Variants in CDH18 observed in about 807,000 individuals in gnomAD.
The protein encoded by CDH18 is cadherin 18.
CDH18 carries 31 observed loss-of-function variants against 67.9 expected under a neutral mutation model. The observed-to-expected ratio is 0.46, with a 90% CI of 0.34 to 0.62. CDH18 has a LOEUF of 0.62. Ranked by LOEUF, CDH18 falls within the 20% of genes least tolerant of loss-of-function variation. CDH18 has a pLI of 0.01. For synonymous variants in CDH18, 362 were observed against 347.2 expected (o/e 1.04, Z -0.48); for missense variants, 890 against 975.5 (o/e 0.91, Z 1.17).
chr5:20,505,018 C>T lies in CDH18; in HGVS notation c.-580+70444G>A, dbSNP rs555991893. On this transcript the variant is annotated intron_variant, in intron 1 of 14. Transcript: ENST00000507958. ...TCCTGACCTCGTGATCCAGCCGCTT[C>T]GGCCTCCCAAAGTGCTGGGATTACA... Among the ~76,000 whole-genome samples the T allele has an allele frequency of 7.0e-4, 106 of 152,056 alleles. 1 individual carries two copies. Among genetic ancestry groups the T allele is most frequent in the African/African-American group, 2.5e-3 (104 of 41,494 alleles).
intron 1 of CDH18, among the ~76,000 whole-genome samples, chr5:20,309,146 T>A (rs1736766884): frequency 6.6e-6 from 1 of 152,228 alleles, no homozygotes; most frequent in South Asian, 2.1e-4. Context: ...AACATCATAC[T>A]GACAGATCAC....
intron 3 of CDH18, among the ~76,000 whole-genome samples, chr5:19,797,212 AT>A (rs957042815): frequency 5.3e-4 from 81 of 151,510 alleles, no homozygotes; most frequent in African/African-American, 1.5e-3. Context: ...TACCATGTAA[AT>A]TTTTTTTTAT....
rs34718835 is a variant in CDH18 at position 20,266,571 on chromosome 5, ATTTTTTTTTTT to A, written c.-579-11077_-579-11067del. 9.5e-4 allele frequency among the ~76,000 whole-genome samples: 56 copies of A among 59,190 alleles called. 1 individual carries two copies. The South Asian group carries it at 0.045, about 48-fold the overall frequency. 38.8% of individuals were successfully genotyped at this position (59,190 alleles called of 152,430 possible). A position where few individuals can be genotyped will look rare whatever the true frequency, so the allele number is the denominator to read the frequency against. On this transcript the variant is annotated intron_variant, in intron 1 of 14. Coordinates refer to the CDH18 transcript ENST00000507958. ...GGCACGTGCCGGCACGCCCGGCTGA[ATTTTTTTTTTT>A]TTTTTTTTTTTTTTTTTTGTATTTT...
intron 6 of CDH18, among the ~76,000 whole-genome samples, chr5:19,606,120 G>A (rs1747996108): frequency 6.6e-6 from 1 of 151,292 alleles, no homozygotes; most frequent in South Asian, 2.1e-4. Context: ...AGGAATAAGA[G>A]CTACTTCCCG....
intron 5 of CDH18, among the ~76,000 whole-genome samples, chr5:19,680,262 A>G: frequency 6.6e-6 from 1 of 150,656 alleles, no homozygotes; most frequent in Non-Finnish European, 1.5e-5. Flanking sequence ...CTTACACCAT[A>G]TAAAAAAATC....
At chr5:19,774,593 G>A (rs1449947850) in intron 3 of CDH18, among the ~76,000 whole-genome samples, 2 of 149,832 alleles carry the variant, frequency 1.3e-5, no homozygotes. Context: ...AGGCTGAGGC[G>A]GGCGGATCAC....
intron 1 of CDH18, among the ~76,000 whole-genome samples, chr5:20,570,354 A>C (rs1758743509): frequency 6.8e-6 from 1 of 148,142 alleles, no homozygotes; most frequent in African/African-American, 2.5e-5. Context: ...TCTGTTCATT[A>C]AAAAAAAAAT....
intron 2 of CDH18, among the ~76,000 whole-genome samples, chr5:19,867,633 A>C (rs1293829894): frequency 1.2e-5 from 1 of 83,390 alleles, no homozygotes; most frequent in Non-Finnish European, 2.5e-5. Flanking sequence ...TTAGAATATC[A>C]GACTCTAAAT....
At chr5:19,895,396 T>G (rs941921705) in intron 2 of CDH18, among the ~76,000 whole-genome samples, 6 of 152,310 alleles carry the variant, frequency 3.9e-5, no homozygotes, top group African/African-American at 1.4e-4. Flanking sequence ...CTTACTTGAA[T>G]TTGTCTTAGC....
chr5:19,962,378 C>CAAAAAAAAAA (rs3065078), intron 2 of CDH18, among the ~76,000 whole-genome samples: 41 of 51,556 alleles, frequency 8.0e-4, no homozygotes, highest in Admixed American at 1.2e-3. Context: ...CGTCAAAAAG[C>CAAAAAAAAAA]AAAAAAAAAA....
At chr5:20,142,954 G>C (rs565052663) in intron 2 of CDH18, among the ~76,000 whole-genome samples, 14 of 152,202 alleles carry the variant, frequency 9.2e-5, no homozygotes, top group Non-Finnish European at 1.8e-4. Flanking sequence ...GAGAAGCAGA[G>C]TGCAGCTGTA....
intron 6 of CDH18, among the ~76,000 whole-genome samples, chr5:19,604,970 CT>C (rs1410554337): frequency 1.3e-5 from 2 of 151,954 alleles, no homozygotes; most frequent in East Asian, 3.9e-4. Flanking sequence ...ATTCAGTCCA[CT>C]TTTTAAGTAT....
At chr5:20,008,993 T>C (rs995470813) in intron 2 of CDH18, among the ~76,000 whole-genome samples, 2 of 152,062 alleles carry the variant, frequency 1.3e-5, no homozygotes, top group African/African-American at 4.8e-5. Flanking sequence ...GTGGGCTATG[T>C]TATGTACACT....
At chr5:19,544,088 C>T in intron 8 of CDH18, 83 bp from the exon 9 acceptor site, 1 of 521,348 alleles carries the variant, frequency 1.9e-6, no homozygotes, top group Non-Finnish European at 3.1e-6. Flanking sequence ...TATCTAAATA[C>T]ATTAAAATAT....
At chr5:20,412,131 T>A (rs1260732555) in intron 1 of CDH18, among the ~76,000 whole-genome samples, 1 of 152,134 alleles carries the variant, frequency 6.6e-6, no homozygotes, top group African/African-American at 2.4e-5. Context: ...GACTTATAAC[T>A]ATACTACAAT....
At chr5:19,820,579 A>T (rs1004399820) in intron 3 of CDH18, among the ~76,000 whole-genome samples, 6 of 152,182 alleles carry the variant, frequency 3.9e-5, no homozygotes, top group Admixed American at 6.6e-5. Flanking sequence ...AGTGAATGGC[A>T]TGTCCCCTGG....
At chr5:19,581,663 A>T (rs1428110929) in intron 7 of CDH18, among the ~76,000 whole-genome samples, 1 of 151,992 alleles carries the variant, frequency 6.6e-6, no homozygotes, top group Non-Finnish European at 1.5e-5. Context: ...TAGTTCCAAG[A>T]TTGGGTAGAT....
At chr5:19,944,901 C>T (rs1448610277) in intron 2 of CDH18, among the ~76,000 whole-genome samples, 1 of 152,078 alleles carries the variant, frequency 6.6e-6, no homozygotes, top group Non-Finnish European at 1.5e-5. Flanking sequence ...GTTTTCTGTT[C>T]ATTTACCATT....
chr5:20,187,973 A>C lies in CDH18; in HGVS notation c.-518+67471T>G, dbSNP rs1424516753. ...ATTCCTAAAAATTGCCAACTGAATA[A>C]AGAAGATATGCCAAGGATTAATCTT... On this transcript the variant is annotated intron_variant, in intron 2 of 14. Coordinates refer to the CDH18 transcript ENST00000507958. Among the ~76,000 whole-genome samples the C allele has an allele frequency of 2.0e-5, 3 of 151,862 alleles. No individual in the cohort carries two copies. In the South Asian group the frequency reaches 6.2e-4, roughly 31 times the overall value.
Sources: allele counts gnomAD v4.1 joint callset (sites outside exome capture counted in the v4.1 genomes callset), GRCh38; gene constraint gnomAD v4.1.1; transcripts MANE v1.5; gene names NCBI Gene and HGNC (gene_info 2026-07-23, HGNC 2026-07-21).